The following CAMKMT variants were observed in gnomAD, a reference collection of about 807,000 sequenced individuals.
CAMKMT encodes CaM KMT.
Under a neutral mutation model 48.0 loss-of-function variants are expected in CAMKMT, and 53 were observed. The observed-to-expected ratio is 1.10, with a 90% CI of 0.89 to 1.39. The LOEUF is 1.39. CAMKMT is among the 40% of genes most tolerant of loss of function. The pLI, the probability that CAMKMT is intolerant of heterozygous loss-of-function variation, is 0.00. For missense variants in CAMKMT, 428 were observed against 402.7 expected (o/e 1.06, Z -0.54); for synonymous variants, 165 against 152.3 (o/e 1.08, Z -0.61).
intron 3 of CAMKMT, among the ~76,000 whole-genome samples, chr2:44,445,549 G>A (rs1369034108): frequency 6.6e-6 from 1 of 150,908 alleles, no homozygotes; most frequent in Non-Finnish European, 1.5e-5. Context: ...CCCCTAAGAT[G>A]CACCCTCCAA....
At chr2:44,425,460 A>G (rs1684217249) in intron 3 of CAMKMT, among the ~76,000 whole-genome samples, 1 of 152,234 alleles carries the variant, frequency 6.6e-6, no homozygotes, top group African/African-American at 2.4e-5. Flanking sequence ...GATAGTTAAT[A>G]GAGCAATAGA....
intron 3 of CAMKMT, among the ~76,000 whole-genome samples, chr2:44,622,049 G>A (rs1572937578): frequency 6.6e-6 from 1 of 152,172 alleles, no homozygotes; most frequent in Admixed American, 6.5e-5. Context: ...TTATTGGCTT[G>A]AACAATAAGG....
chr2:44,458,157 C>A (rs1023406226), intron 3 of CAMKMT, among the ~76,000 whole-genome samples: 6 of 151,234 alleles, frequency 4.0e-5, no homozygotes, highest in Admixed American at 1.3e-4. Flanking sequence ...AACGATCTTC[C>A]CACCTCAGCC....
intron 4 of CAMKMT, among the ~76,000 whole-genome samples, chr2:44,705,083 A>T (rs1265540114): frequency 6.6e-6 from 1 of 152,306 alleles, no homozygotes. Context: ...ATAAGCCGCT[A>T]GTGATCATAG....
chr2:44,605,361 AC>A (rs776461936), intron 3 of CAMKMT, among the ~76,000 whole-genome samples: 24 of 152,062 alleles, frequency 1.6e-4, no homozygotes, highest in Non-Finnish European at 2.4e-4. Flanking sequence ...ATTTTTTTGA[AC>A]ATACTTGGTG....
intron 3 of CAMKMT, among the ~76,000 whole-genome samples, chr2:44,684,362 G>A (rs1192815192): frequency 6.6e-6 from 1 of 152,192 alleles, no homozygotes; most frequent in Non-Finnish European, 1.5e-5. Context: ...GTGGTGTCAA[G>A]TTCAGAGCAA....
At chr2:44,648,118 T>A (rs4953127) in intron 3 of CAMKMT, among the ~76,000 whole-genome samples, 18,341 of 152,014 alleles carry the variant, frequency 0.12, 1,328 homozygotes, top group Admixed American at 0.22. Flanking sequence ...GGGTGTCCAA[T>A]GACATGTCAT....
chr2:44,691,565 T>C (rs781190782), intron 3 of CAMKMT, among the ~76,000 whole-genome samples: 7 of 152,228 alleles, frequency 4.6e-5, no homozygotes, highest in Non-Finnish European at 1.0e-4. Flanking sequence ...AGTAATTTTT[T>C]ATGCCCCTTC....
At chr2:44,540,982 C>T (rs902061878) in intron 3 of CAMKMT, among the ~76,000 whole-genome samples, 2 of 152,224 alleles carry the variant, frequency 1.3e-5, no homozygotes, top group African/African-American at 4.8e-5. Flanking sequence ...ATCTTTGTCT[C>T]AATGATTTGA....
chr2:44,399,442 C>A (rs915794608), intron 3 of CAMKMT, among the ~76,000 whole-genome samples: 1 of 152,010 alleles, frequency 6.6e-6, no homozygotes. Context: ...CTCTGAATTT[C>A]TTTAAAAGAG....
chr2:44,388,253 C>A (rs1465345940), intron 2 of CAMKMT, among the ~76,000 whole-genome samples: 1 of 152,088 alleles, frequency 6.6e-6, no homozygotes, highest in Non-Finnish European at 1.5e-5. Flanking sequence ...AGATCTTGTT[C>A]TTGAGCTCGG....
chr2:44,677,830 G>T (rs938534048), intron 3 of CAMKMT, among the ~76,000 whole-genome samples: 5 of 150,026 alleles, frequency 3.3e-5, no homozygotes, highest in African/African-American at 1.0e-4. Context: ...TGCTCTTGGG[G>T]TGTGTGTGTG....
At chr2:44,526,922 G>A (rs1666146251) in intron 3 of CAMKMT, among the ~76,000 whole-genome samples, 1 of 151,970 alleles carries the variant, frequency 6.6e-6, no homozygotes. Flanking sequence ...CCTTTAGGGT[G>A]TATAATTTAG....
rs1297310147 is a variant in CAMKMT, at chr2:44,772,101, C to G, written c.960C>G (p.Thr320=). ...ATTACCCGCTTCTGCTTATTTTGAC[C>G]AAACATGGATAGAAGATTAAGCTTC... The part of the protein sequence containing the change: ...NLHYPLLLIL[T]KHG Residue 320 remains threonine (T), a synonymous_variant, in exon 11 of 11, where the codon ACC becomes ACG. Transcript: ENST00000378494. The G allele has an allele frequency of 6.2e-7, 1 of 1,613,168 alleles. No individual in the cohort carries two copies. The highest frequency in any genetic ancestry group is 2.2e-5 in the East Asian group (1 of 44,870).
intron 3 of CAMKMT, among the ~76,000 whole-genome samples, chr2:44,394,592 T>A (rs1384337245): frequency 6.6e-6 from 1 of 152,174 alleles, no homozygotes; most frequent in Non-Finnish European, 1.5e-5. Context: ...TATGTCCAGC[T>A]AATTTTTGTC....
intron 7 of CAMKMT, among the ~76,000 whole-genome samples, chr2:44,723,375 G>A (rs1311943515): frequency 2.6e-5 from 4 of 152,042 alleles, no homozygotes; most frequent in African/African-American, 4.8e-5. Flanking sequence ...GGTGGATCAC[G>A]AAGTTGGGAG....
intron 3 of CAMKMT, among the ~76,000 whole-genome samples, chr2:44,510,820 C>T (rs1377296383): frequency 6.6e-6 from 1 of 151,952 alleles, no homozygotes; most frequent in African/African-American, 2.4e-5. Flanking sequence ...AACCTTCCTC[C>T]TCGAGTCCCC....
At chr2:44,483,294 T>A (rs547614864) in intron 3 of CAMKMT, among the ~76,000 whole-genome samples, 1 of 152,186 alleles carries the variant, frequency 6.6e-6, no homozygotes, top group Non-Finnish European at 1.5e-5. Context: ...AGAAAAACAA[T>A]GATGAGATCA....
At chr2:44,658,222 G>T (rs917188644) in intron 3 of CAMKMT, among the ~76,000 whole-genome samples, 13 of 152,176 alleles carry the variant, frequency 8.5e-5, no homozygotes, top group Non-Finnish European at 1.9e-4. Context: ...TTCTAGTGCG[G>T]CTGAGAATTT....
Sources: allele counts gnomAD v4.1 joint callset (sites outside exome capture counted in the v4.1 genomes callset), GRCh38; gene constraint gnomAD v4.1.1; transcripts MANE v1.5; gene names NCBI Gene and HGNC (gene_info 2026-07-23, HGNC 2026-07-21).